Variants in SCARA5 observed in about 807,000 individuals in gnomAD.
SCARA5 encodes scavenger receptor class A member 5.
A neutral mutation model predicts 46.3 loss-of-function variants in SCARA5; 45 were observed. The observed-to-expected ratio is 0.97, with a 90% CI of 0.76 to 1.24. SCARA5 has a LOEUF of 1.24. SCARA5 is among the 50% of genes most tolerant of loss of function. The pLI is 0.00. For synonymous variants in SCARA5, 333 were observed against 306.5 expected, an observed-to-expected ratio of 1.09 and a Z score of -0.90; for missense variants, 680 against 689.0, an observed-to-expected ratio of 0.99 and a Z score of 0.15.
chr8:27,991,317 A>G (rs1808783161), intron 1 of SCARA5, among the ~76,000 whole-genome samples: 1 of 152,222 alleles, frequency 6.6e-6, no homozygotes, highest in Non-Finnish European at 1.5e-5. Flanking sequence ...GTCTGATGAG[A>G]AAAAGCATCC....
intron 4 of SCARA5, among the ~76,000 whole-genome samples, chr8:27,917,442 C>T (rs1479709691): frequency 3.9e-5 from 6 of 152,134 alleles, no homozygotes; most frequent in South Asian, 2.1e-4. Context: ...GGCATGGTGA[C>T]GTCTCTAGCT....
At chr8:27,878,675 G>A (rs1563510213) in intron 8 of SCARA5, among the ~76,000 whole-genome samples, 1 of 152,244 alleles carries the variant, frequency 6.6e-6, no homozygotes, top group Non-Finnish European at 1.5e-5. Context: ...GCCCAGCAGA[G>A]TGGTTCAAAT....
chr8:27,951,880 G>A (rs1443078660), intron 3 of SCARA5, among the ~76,000 whole-genome samples: 3 of 152,188 alleles, frequency 2.0e-5, no homozygotes, highest in Non-Finnish European at 4.4e-5. Flanking sequence ...CAGAAGGAGG[G>A]ACATGTGAGC....
chr8:27,930,693 C>T (rs1454485747), intron 3 of SCARA5, among the ~76,000 whole-genome samples: 3 of 152,214 alleles, frequency 2.0e-5, no homozygotes, highest in South Asian at 2.1e-4. Flanking sequence ...TGAGCCACCG[C>T]GCCCAGCCTA....
At chr8:27,976,954 C>A (rs551082298) in intron 2 of SCARA5, among the ~76,000 whole-genome samples, 30 of 152,358 alleles carry the variant, frequency 2.0e-4, no homozygotes, top group African/African-American at 6.7e-4. Flanking sequence ...CTTAGCCAGC[C>A]CCCCTGCCTT....
At position 27,880,472 on chromosome 8, in the gene SCARA5, C is replaced by T. The variant is rs141355409; in HGVS notation, c.1154-706G>A. Among the ~76,000 whole-genome samples the T allele has an allele frequency of 4.6e-5, 7 of 151,252 alleles. No individual in the cohort carries two copies. The East Asian group carries it at 5.8e-4, about 13-fold the overall frequency. Reference sequence around the variant, plus strand: ...AAAATACTAATATTTGCAAACTATGCATTCACCAAAGGTCTAATATCTGGA... The same window carrying T: ...AAAATACTAATATTTGCAAACTATGTATTCACCAAAGGTCTAATATCTGGA... On this transcript the variant is annotated intron_variant, in intron 7 of 8. Coordinates refer to ENST00000354914, the MANE Select transcript of SCARA5 (RefSeq NM_173833.6).
At chr8:27,907,029 C>A (rs1807273710) in intron 6 of SCARA5, 119 bp downstream of exon 6, 1 of 636,096 alleles carries the variant, frequency 1.6e-6, no homozygotes, top group East Asian at 2.9e-5. Context: ...GAGACTTGTA[C>A]AAGGTTGCCC....
chr8:27,933,497 G>A (rs1209864204), intron 3 of SCARA5, among the ~76,000 whole-genome samples: 1 of 140,752 alleles, frequency 7.1e-6, no homozygotes, highest in African/African-American at 2.6e-5. Context: ...ACAGCAGCCT[G>A]GGTGACAGAG....
chr8:27,886,476 T>C (rs1806897126), intron 7 of SCARA5, among the ~76,000 whole-genome samples: 1 of 152,220 alleles, frequency 6.6e-6, no homozygotes, highest in African/African-American at 2.4e-5. Flanking sequence ...GGCTGAGGTC[T>C]GACTTGCTTA....
At position 27,871,850 on chromosome 8, in the gene SCARA5, C is replaced by T. The variant is rs116985407; in HGVS notation, c.*84G>A. 8.5e-3 allele frequency: 13,525 copies of T among 1,597,134 alleles called. 78 individuals are homozygous for T. The highest frequency in any genetic ancestry group is 0.01 in the Non-Finnish European group (11,938 of 1,171,288). ...GGACGGGGTGTGGTCGAGGCATGGT[C>T]AGGGTGGCCCCGAGCTGTGCCCCAC... On this transcript the variant is annotated 3_prime_UTR_variant, in exon 9 of 9. Transcript: ENST00000354914.
chr8:27,923,040 G>C (rs556644626), intron 3 of SCARA5, among the ~76,000 whole-genome samples: 1 of 152,308 alleles, frequency 6.6e-6, no homozygotes, highest in East Asian at 1.9e-4. Flanking sequence ...ACAGTATTTT[G>C]TTATAGCAGC....
intron 2 of SCARA5, among the ~76,000 whole-genome samples, chr8:27,974,127 C>G (rs1161051799): frequency 6.6e-6 from 1 of 152,100 alleles, no homozygotes; most frequent in Non-Finnish European, 1.5e-5. Flanking sequence ...AACCTTGAAC[C>G]TCTACAGCCC....
chr8:27,960,401 T>A (rs1032257545), intron 3 of SCARA5, among the ~76,000 whole-genome samples: 8 of 152,190 alleles, frequency 5.3e-5, no homozygotes, highest in African/African-American at 1.9e-4. Context: ...CATCTCAAAC[T>A]TTTAGGCTCA....
In SCARA5 at chr8:27,978,655, G is replaced by A. The variant is rs554244688; in HGVS notation, c.112+8849C>T. ...CTCCCGAGTAGCTAGGGCTACAGGC[G>A]TGCACCACCACATCTGGCTAATTTT... On this transcript the variant is annotated intron_variant, in intron 2 of 8. Transcript: ENST00000354914. Among the ~76,000 whole-genome samples the A allele has an allele frequency of 1.6e-4, 24 of 152,184 alleles. No homozygotes were observed. The East Asian group carries it at 3.3e-3, about 21-fold the overall frequency.
At chr8:27,979,940 T>A (rs1808588681) in intron 2 of SCARA5, among the ~76,000 whole-genome samples, 1 of 152,148 alleles carries the variant, frequency 6.6e-6, no homozygotes, top group Non-Finnish European at 1.5e-5. Context: ...TAGACTCAGG[T>A]ATCAGAGCCG....
At chr8:27,935,855 G>A (rs1430327283) in intron 3 of SCARA5, among the ~76,000 whole-genome samples, 2 of 152,206 alleles carry the variant, frequency 1.3e-5, no homozygotes, top group South Asian at 2.1e-4. Context: ...CAGGAGAAGT[G>A]AAGACCGAGG....
Position 27,907,240 on chromosome 8 carries a change from G to A in SCARA5, c.1004C>T (p.Pro335Leu), listed in dbSNP as rs1192340939. Residue 335 changes from proline (P) to leucine (L), a missense_variant, in exon 6 of 9, where the codon CCC (proline) becomes CTC (leucine). This residue lies in a region of SCARA5 where 219 missense variants were observed against 269.5 expected (regional missense o/e 0.81). Coordinates refer to ENST00000354914, the MANE Select transcript of SCARA5 (RefSeq NM_173833.6). ...CAATCCTGGGGTACCTCTCTCCCCG[G>A]GCAGACCTGGGGAGAAAACAGACAA... Reference protein sequence around the residue: ...IPGLPGLRGLPGERGTPGLPG... With the variant: ...IPGLPGLRGLLGERGTPGLPG... 2 of 1,612,056 alleles carry A rather than the reference G, an allele frequency of 1.2e-6. No homozygotes were observed. The highest frequency in any genetic ancestry group is 1.7e-5 in the Admixed American group (1 of 59,886).
At chr8:27,890,738 C>T (rs959871379) in intron 7 of SCARA5, among the ~76,000 whole-genome samples, 1 of 152,282 alleles carries the variant, frequency 6.6e-6, no homozygotes, top group Non-Finnish European at 1.5e-5. Flanking sequence ...GCTGTGCACA[C>T]AGTGACTTGG....
chr8:27,927,823 G>A (rs112680077), intron 3 of SCARA5, among the ~76,000 whole-genome samples: 66 of 152,252 alleles, frequency 4.3e-4, no homozygotes, highest in Middle Eastern at 6.8e-3. Context: ...TTACATTACA[G>A]ATTTTAAAAT....
Sources: allele counts gnomAD v4.1 joint callset (sites outside exome capture counted in the v4.1 genomes callset), GRCh38; gene constraint gnomAD v4.1.1; regional missense constraint gnomAD v4.1.1; transcripts MANE v1.5; gene names NCBI Gene and HGNC (gene_info 2026-07-23, HGNC 2026-07-21).